Variants in NCOA2 observed in about 807,000 individuals in gnomAD.
NCOA2 encodes the protein nuclear receptor coactivator 2, also known as class E basic helix-loop-helix protein 75.
A neutral mutation model predicts 145.1 loss-of-function variants in NCOA2; 21 were observed. That is an observed-to-expected ratio of 0.14 (90% CI 0.10 to 0.21). The LOEUF (loss-of-function observed/expected upper bound fraction) is 0.21, where lower values mean the gene tolerates loss of function less well. NCOA2 is among the 10% of genes least tolerant of loss of function. The pLI, the probability that NCOA2 is intolerant of heterozygous loss-of-function variation, is 1.00. For synonymous variants in NCOA2, 619 were observed against 637.5 expected, an observed-to-expected ratio of 0.97 and a Z score of 0.44; for missense variants, 1,472 against 1,837.6, an observed-to-expected ratio of 0.80 and a Z score of 3.64.
chr8:70,189,329 T>C (rs1816419290), intron 4 of NCOA2, among the ~76,000 whole-genome samples: 1 of 152,250 alleles, frequency 6.6e-6, no homozygotes, highest in Non-Finnish European at 1.5e-5. Flanking sequence ...TTACCCTCTG[T>C]GCTTCCACAA....
intron 4 of NCOA2, among the ~76,000 whole-genome samples, chr8:70,211,603 A>G (rs1194949918): frequency 1.3e-5 from 2 of 152,224 alleles, no homozygotes; most frequent in African/African-American, 2.4e-5. Flanking sequence ...TGTTAGCACT[A>G]AACTCTATAT....
At chr8:70,353,770 T>C (rs1809444791) in intron 1 of NCOA2, among the ~76,000 whole-genome samples, 1 of 152,138 alleles carries the variant, frequency 6.6e-6, no homozygotes, top group Non-Finnish European at 1.5e-5. Flanking sequence ...GTTTGGCCTA[T>C]ACGATTTAAG....
chr8:70,161,031 C>A (rs989096631), intron 9 of NCOA2, among the ~76,000 whole-genome samples: 1 of 152,224 alleles, frequency 6.6e-6, no homozygotes, highest in Non-Finnish European at 1.5e-5. Flanking sequence ...CTACATCCAA[C>A]ACCTCTGAAA....
At chr8:70,454,771 T>C in the NCOA2 span, among the ~76,000 whole-genome samples, 35,829 of 152,080 alleles carry the variant, frequency 0.24, 4,974 homozygotes, top group East Asian at 0.38. Flanking sequence ...TGAGGCACAT[T>C]TTGTGAGCCC....
At chr8:70,319,241 T>TTA (rs1311100649) in intron 1 of NCOA2, among the ~76,000 whole-genome samples, 1 of 152,022 alleles carries the variant, frequency 6.6e-6, no homozygotes, top group Non-Finnish European at 1.5e-5. Flanking sequence ...TTTCTGAAAT[T>TTA]TATAAAGAGC....
At chr8:70,311,500 C>T (rs1035069791) in intron 1 of NCOA2, among the ~76,000 whole-genome samples, 1 of 152,164 alleles carries the variant, frequency 6.6e-6, no homozygotes, top group African/African-American at 2.4e-5. Context: ...TTACCCAAAA[C>T]ACAGTATAAA....
intron 1 of NCOA2, among the ~76,000 whole-genome samples, chr8:70,366,020 C>T (rs1169005752): frequency 6.6e-6 from 1 of 152,180 alleles, no homozygotes; most frequent in Non-Finnish European, 1.5e-5. Context: ...ATCTGCACCT[C>T]ATGCAACTCA....
At chr8:70,127,241 T>C (rs1467852519) in intron 18 of NCOA2, among the ~76,000 whole-genome samples, 194 bp from the exon 19 acceptor site, 4 of 152,188 alleles carry the variant, frequency 2.6e-5, no homozygotes, top group Non-Finnish European at 5.9e-5. Context: ...TCTAAAGATA[T>C]GATTATTCTG....
At chr8:70,248,244 T>C (rs1333366508) in intron 2 of NCOA2, among the ~76,000 whole-genome samples, 2 of 152,218 alleles carry the variant, frequency 1.3e-5, no homozygotes, top group Non-Finnish European at 2.9e-5. Flanking sequence ...CAGTGCCATA[T>C]ACAGATCTAA....
chr8:70,228,317 G>A (rs1448867017), intron 2 of NCOA2, among the ~76,000 whole-genome samples: 3 of 152,176 alleles, frequency 2.0e-5, no homozygotes, highest in Non-Finnish European at 2.9e-5. Context: ...TGCTATCATT[G>A]GGATTGTACA....
intron 1 of NCOA2, among the ~76,000 whole-genome samples, chr8:70,329,587 G>C (rs1806896557): frequency 6.6e-6 from 1 of 151,938 alleles, no homozygotes; most frequent in Non-Finnish European, 1.5e-5. Flanking sequence ...AGATGTGAGG[G>C]CTCATGTCCA....
At chr8:70,155,371 G>A (rs1003022453) in intron 11 of NCOA2, among the ~76,000 whole-genome samples, 1 of 152,218 alleles carries the variant, frequency 6.6e-6, no homozygotes, top group African/African-American at 2.4e-5. Context: ...CTTAAAAAGA[G>A]AGAAAGGTAA....
intron 1 of NCOA2, among the ~76,000 whole-genome samples, chr8:70,298,342 C>A (rs1827235167): frequency 6.6e-6 from 1 of 152,112 alleles, no homozygotes; most frequent in African/African-American, 2.4e-5. Flanking sequence ...CAAGACCTGG[C>A]CAGTCTTGAA....
intron 1 of NCOA2, among the ~76,000 whole-genome samples, chr8:70,322,104 T>C (rs758628247): frequency 4.8e-4 from 73 of 151,940 alleles, no homozygotes; most frequent in Middle Eastern, 3.2e-3. Context: ...CAACAAAGCA[T>C]GACTCTGTCT....
At chr8:70,273,586 T>TA in intron 2 of NCOA2, 1 of 761,526 alleles carries the variant, frequency 1.3e-6, no homozygotes, top group Non-Finnish European at 2.3e-6. Flanking sequence ...TTAACAACCC[T>TA]AAAGCCCAGA....
the NCOA2 span, among the ~76,000 whole-genome samples, chr8:70,425,620 A>T: frequency 6.6e-6 from 1 of 152,138 alleles, no homozygotes; most frequent in African/African-American, 2.4e-5. Flanking sequence ...GCTTCACCCA[A>T]ATCAAATCCT....
chr8:70,376,560 C>A (rs1811685315), intron 1 of NCOA2, among the ~76,000 whole-genome samples: 2 of 152,150 alleles, frequency 1.3e-5, no homozygotes, highest in African/African-American at 4.8e-5. Flanking sequence ...AATTCTATTA[C>A]AGAATCAAGA....
At chr8:70,353,060 G>A (rs1016297519) in intron 1 of NCOA2, among the ~76,000 whole-genome samples, 6 of 152,016 alleles carry the variant, frequency 3.9e-5, no homozygotes, top group African/African-American at 1.4e-4. Flanking sequence ...GAAAATATTA[G>A]GTTGTTAGAG....
In NCOA2 at chr8:70,156,098, T is replaced by A. The variant is rs771402602; in HGVS notation, c.2267A>T (p.Asp756Val). The change falls in exon 11 of 23, where the codon GAT becomes GTT. Residue 756 changes from aspartate (D) to valine (V), a missense_variant. Asp to Val is a radical substitution (Grantham distance 152). This residue lies in a region of NCOA2 where 953 missense variants were observed against 1,062.1 expected (regional missense o/e 0.90). Transcript: ENST00000452400. ...RYLLDKDDTK[D>V]IGLPEITPKL... Reference sequence around the variant, plus strand: ...GGGGGTTATTTCTGGTAAACCAATATCTTTAGTATCATCTTTATCTAGCAA... The same window carrying A: ...GGGGGTTATTTCTGGTAAACCAATAACTTTAGTATCATCTTTATCTAGCAA... 10 of 1,613,880 alleles carry A rather than the reference T, an allele frequency of 6.2e-6. No individual in the cohort carries two copies. Among genetic ancestry groups the A allele is most frequent in the South Asian group, 1.1e-5 (1 of 91,084 alleles).
Sources: allele counts gnomAD v4.1 joint callset (sites outside exome capture counted in the v4.1 genomes callset), GRCh38; gene constraint gnomAD v4.1.1; regional missense constraint gnomAD v4.1.1; transcripts MANE v1.5; gene names NCBI Gene and HGNC (gene_info 2026-07-23, HGNC 2026-07-21).